Variants in AKT3 observed in about 807,000 individuals in gnomAD.
AKT3 encodes RAC-gamma serine/threonine-protein kinase.
Under a neutral mutation model 65.3 loss-of-function variants are expected in AKT3, and 15 were observed. The observed-to-expected ratio is 0.23, with a 90% CI of 0.15 to 0.35. The LOEUF (loss-of-function observed/expected upper bound fraction) is 0.35. AKT3 is among the 10% of genes least tolerant of loss of function. The pLI, the probability that AKT3 is intolerant of heterozygous loss-of-function variation, is 1.00. For synonymous variants in AKT3, 206 were observed against 183.8 expected (o/e 1.12, Z -0.98); for missense variants, 243 against 576.5 (o/e 0.42, Z 5.92).
At chr1:243,726,936 C>T (rs930284668) in intron 2 of AKT3, among the ~76,000 whole-genome samples, 1 of 152,210 alleles carries the variant, frequency 6.6e-6, no homozygotes, top group African/African-American at 2.4e-5. Flanking sequence ...TCACCTTCTA[C>T]TTAGGCAGTG....
At chr1:243,738,972 T>C (rs981859245) in intron 2 of AKT3, among the ~76,000 whole-genome samples, 2 of 152,210 alleles carry the variant, frequency 1.3e-5, no homozygotes, top group Non-Finnish European at 2.9e-5. Flanking sequence ...TTTCCTTCTT[T>C]ATAACGAATT....
At position 243,504,048 on chromosome 1, in the gene AKT3, C is replaced by G. The variant is rs1669513113; in HGVS notation, c.*1201G>C. On this transcript the variant is annotated 3_prime_UTR_variant, in exon 14 of 14. Transcript: ENST00000673466. Reference sequence around the variant, plus strand: ...GCATCTCTTCTCCCAAAGCCAAATTCTAACCAATATATTCCATTTCAGAGC... The same window carrying G: ...GCATCTCTTCTCCCAAAGCCAAATTGTAACCAATATATTCCATTTCAGAGC... 4.4e-6 allele frequency: 1 copy of G among 224,962 alleles called. No homozygotes were observed. The highest frequency in any genetic ancestry group is 6.5e-5 in the East Asian group (1 of 15,416). The allele number at this position is 224,962 out of a possible 1,614,324, so 13.9% of individuals were successfully genotyped here.
intron 12 of AKT3, among the ~76,000 whole-genome samples, chr1:243,519,553 G>A (rs1231934804): frequency 6.6e-6 from 1 of 152,152 alleles, no homozygotes; most frequent in African/African-American, 2.4e-5. Flanking sequence ...CTGGAGGGCA[G>A]GAGAATGATA....
intron 3 of AKT3, among the ~76,000 whole-genome samples, chr1:243,686,650 T>TATATATATATATATATATATA (rs1558719596): frequency 5.9e-4 from 19 of 32,468 alleles, no homozygotes; most frequent in African/African-American, 1.9e-3. Flanking sequence ...TATATATATA[T>TATATATATATATATATATATA]ATTTTTTTTT....
intron 2 of AKT3, among the ~76,000 whole-genome samples, chr1:243,753,583 T>C (rs1688943090): frequency 6.6e-6 from 1 of 152,242 alleles, no homozygotes; most frequent in Non-Finnish European, 1.5e-5. Context: ...CCTTTCAGTA[T>C]GTACATCTGA....
At chr1:243,686,715 T>A (rs1302406888) in intron 3 of AKT3, among the ~76,000 whole-genome samples, 1 of 131,796 alleles carries the variant, frequency 7.6e-6, no homozygotes, top group Admixed American at 8.2e-5. Flanking sequence ...TCGCCAAGGC[T>A]TGAGTACAGT....
At chr1:243,532,838 G>A (rs956332822) in intron 12 of AKT3, among the ~76,000 whole-genome samples, 2 of 152,098 alleles carry the variant, frequency 1.3e-5, no homozygotes, top group African/African-American at 2.4e-5. Context: ...GAGTTACGGG[G>A]TCTATTTGGA....
intron 2 of AKT3, among the ~76,000 whole-genome samples, chr1:243,795,717 C>T (rs1691957749): frequency 6.6e-6 from 1 of 151,636 alleles, no homozygotes; most frequent in Non-Finnish European, 1.5e-5. Context: ...GTGATCCACC[C>T]GCCTCGGCCT....
At chr1:243,784,491 A>T (rs2148318749) in intron 2 of AKT3, among the ~76,000 whole-genome samples, 1 of 152,320 alleles carries the variant, frequency 6.6e-6, no homozygotes, top group South Asian at 2.1e-4. Flanking sequence ...ATATTTATTC[A>T]GAATAAGAAA....
At chr1:243,558,324 A>G (rs979872084) in intron 10 of AKT3, among the ~76,000 whole-genome samples, 2 of 152,048 alleles carry the variant, frequency 1.3e-5, no homozygotes. Flanking sequence ...GAGCTAACAC[A>G]ATGACTTTGA....
rs377236678 is a variant in AKT3, at chr1:243,576,803, A to C, written c.697-3755T>G. 5.3e-5 allele frequency among the ~76,000 whole-genome samples: 8 copies of C among 152,368 alleles called. No individual in the cohort carries two copies. The East Asian group carries it at 1.2e-3, about 22-fold the overall frequency. On this transcript the variant is annotated intron_variant, in intron 8 of 13. Coordinates refer to ENST00000673466, the MANE Select transcript of AKT3 (RefSeq NM_005465.7). ...ATTGGGAAAATGGCCATACTGGCCAAAGTAATTTATAGATTCAATGCTATT... is the reference window on the plus strand; with the variant it reads ...ATTGGGAAAATGGCCATACTGGCCACAGTAATTTATAGATTCAATGCTATT...
At chr1:243,667,880 C>T (rs1558700345) in intron 3 of AKT3, among the ~76,000 whole-genome samples, 1 of 152,126 alleles carries the variant, frequency 6.6e-6, no homozygotes, top group Non-Finnish European at 1.5e-5. Flanking sequence ...ATGCACTACA[C>T]TCTTTCTGCT....
intron 4 of AKT3, among the ~76,000 whole-genome samples, chr1:243,652,592 C>T (rs1439501805): frequency 6.6e-6 from 1 of 151,808 alleles, no homozygotes; most frequent in African/African-American, 2.4e-5. Context: ...TCACATGTGA[C>T]AATACTAACC....
chr1:243,754,264 G>A (rs1341434839), intron 2 of AKT3, among the ~76,000 whole-genome samples: 1 of 152,176 alleles, frequency 6.6e-6, no homozygotes, highest in African/African-American at 2.4e-5. Flanking sequence ...CTTGGTTACA[G>A]TCTCATGGCC....
intron 8 of AKT3, among the ~76,000 whole-genome samples, chr1:243,604,969 T>C (rs1285992492): frequency 6.6e-6 from 1 of 152,214 alleles, no homozygotes; most frequent in Non-Finnish European, 1.5e-5. Flanking sequence ...CTGTCATCTC[T>C]CGACATAGTT....
intron 13 of AKT3, among the ~76,000 whole-genome samples, chr1:243,509,474 A>T (rs1416499620): frequency 1.9e-4 from 29 of 152,198 alleles, no homozygotes; most frequent in Admixed American, 1.9e-3. Context: ...AATTCAAGTC[A>T]ATCATGAAAA....
intron 9 of AKT3, among the ~76,000 whole-genome samples, chr1:243,571,275 C>T (rs779744096): frequency 6.6e-6 from 1 of 152,160 alleles, no homozygotes; most frequent in Non-Finnish European, 1.5e-5. Flanking sequence ...CAAGATGGCA[C>T]CACTGCACTC....
At position 243,589,166 on chromosome 1, in the gene AKT3, C is replaced by T. The variant is rs1358305655; in HGVS notation, c.697-16118G>A. ...ACTAAAAATACAAAAATCAGCCAGG[C>T]GTGGTGGCAGGCACCTGTAATCCCA... is the stretch of plus-strand genomic sequence containing the variant. On this transcript the variant is annotated intron_variant, in intron 8 of 13. Transcript: ENST00000673466. Among the ~76,000 whole-genome samples the T allele has an allele frequency of 4.0e-5, 6 of 151,458 alleles. No homozygotes were observed. The South Asian group carries it at 1.0e-3, about 26-fold the overall frequency.
chr1:243,488,681 C>A (rs1665621892), intron 13 of AKT3, among the ~76,000 whole-genome samples: 1 of 152,206 alleles, frequency 6.6e-6, no homozygotes, highest in African/African-American at 2.4e-5. Context: ...ACCTTTCCAG[C>A]TGAACAATGG....
Sources: allele counts gnomAD v4.1 joint callset (sites outside exome capture counted in the v4.1 genomes callset), GRCh38; gene constraint gnomAD v4.1.1; transcripts MANE v1.5; gene names NCBI Gene and HGNC (gene_info 2026-07-23, HGNC 2026-07-21).